Variants in PPIP5K1 observed in about 807,000 individuals in gnomAD.
PPIP5K1 encodes the protein inositol hexakisphosphate and diphosphoinositol-pentakisphosphate kinase 1.
In PPIP5K1, 6 loss-of-function variants were observed where a neutral mutation model predicts 27.7. The observed-to-expected ratio is 0.22, with a 90% CI of 0.12 to 0.43. The LOEUF (loss-of-function observed/expected upper bound fraction) is 0.43, where lower values mean the gene tolerates loss of function less well. Among genes scored for constraint, PPIP5K1 ranks in the 20% least tolerant of loss-of-function variants. The pLI, the probability that PPIP5K1 is intolerant of heterozygous loss-of-function variation, is 1.00. For synonymous variants in PPIP5K1, 145 were observed against 242.6 expected, an observed-to-expected ratio of 0.60 and a Z score of 3.74; for missense variants, 394 against 635.4, an observed-to-expected ratio of 0.62 and a Z score of 4.08.
rs2079561360 is a variant in PPIP5K1, at chr15:43,534,361, A to C, written c.*313T>G. Reference sequence around the variant, plus strand: ...AAGTGAGGAGCCAATGGCTTCTTCGAACCTAAAACTGGCTCCTCCTCAACC... The same window carrying C: ...AAGTGAGGAGCCAATGGCTTCTTCGCACCTAAAACTGGCTCCTCCTCAACC... On this transcript the variant is annotated 3_prime_UTR_variant, in exon 32 of 32. Coordinates refer to ENST00000420765, the MANE Select transcript of PPIP5K1 (RefSeq NM_001394395.1). The C allele has an allele frequency of 4.1e-6, 1 of 242,334 alleles. No homozygotes were observed. Among genetic ancestry groups the C allele is most frequent in the African/African-American group, 2.2e-5 (1 of 44,764 alleles). The allele number at this position is 242,334 out of a possible 1,614,324, so 15.0% of individuals were successfully genotyped here.
intron 30 of PPIP5K1, among the ~76,000 whole-genome samples, chr15:43,542,320 C>A (rs2080847198): frequency 6.9e-6 from 1 of 144,604 alleles, no homozygotes; most frequent in Non-Finnish European, 1.5e-5. Context: ...GGGGCAGAGT[C>A]TTGCTCTGTC....
At position 43,535,002 on chromosome 15, in the gene PPIP5K1, C is replaced by A; in HGVS notation, c.4145G>T (p.Cys1382Phe). The change falls in exon 32 of 32, where the codon TGC becomes TTC. Residue 1382 changes from cysteine (C) to phenylalanine (F), a missense_variant. Cys to Phe is a radical substitution (Grantham distance 205). Transcript: ENST00000420765. Reference protein sequence around the residue: ...QLCQKVSEEVCQLCLENSEEV... With the variant: ...QLCQKVSEEVFQLCLENSEEV... Reference sequence around the variant, plus strand: ...CTCGGAGTTCTCCAGACATAGCTGGCAAACTTCCTCAGAGACTTTCTGGCA... The same window carrying A: ...CTCGGAGTTCTCCAGACATAGCTGGAAAACTTCCTCAGAGACTTTCTGGCA... 3 of 1,613,466 alleles carry A rather than the reference C, an allele frequency of 1.9e-6. No individual in the cohort carries two copies. The highest frequency in any genetic ancestry group is 1.1e-5 in the South Asian group (1 of 91,040).
chr15:43,548,276 AT>A (rs1307541707), intron 30 of PPIP5K1: 3 of 151,170 alleles, frequency 2.0e-5, no homozygotes, highest in Admixed American at 6.6e-5. Context: ...TTTTTTTATT[AT>A]TATTATTTTT....
At chr15:43,549,080 T>TATATACACACAC (rs1489462259) in intron 30 of PPIP5K1, among the ~76,000 whole-genome samples, 93 of 113,130 alleles carry the variant, frequency 8.2e-4, no homozygotes, top group African/African-American at 3.0e-3. Context: ...TATATATATA[T>TATATACACACAC]ACATATATAT....
chr15:43,552,633 C>T (rs904095704), intron 30 of PPIP5K1, among the ~76,000 whole-genome samples: 9 of 148,904 alleles, frequency 6.0e-5, no homozygotes, highest in African/African-American at 2.2e-4. Context: ...AGCTGGAGGT[C>T]GAGGTTGCAC....
intron 30 of PPIP5K1, among the ~76,000 whole-genome samples, chr15:43,554,902 C>A (rs1270699224): frequency 6.6e-6 from 1 of 151,916 alleles, no homozygotes; most frequent in Admixed American, 6.6e-5. Flanking sequence ...GTAGCACGAT[C>A]TTGGCTCACT....
intron 30 of PPIP5K1, among the ~76,000 whole-genome samples, chr15:43,546,706 G>A (rs2081417112): frequency 6.8e-6 from 1 of 146,862 alleles, no homozygotes; most frequent in Non-Finnish European, 1.5e-5. Flanking sequence ...ACCCAGGCTG[G>A]AGTGCAGTGG....
At chr15:43,547,460 ACTT>A (rs1318279814) in intron 30 of PPIP5K1, among the ~76,000 whole-genome samples, 5 of 152,174 alleles carry the variant, frequency 3.3e-5, no homozygotes, top group Admixed American at 6.5e-5. Flanking sequence ...TTACTCTACG[ACTT>A]CTTCTAAGAG....
intron 30 of PPIP5K1, among the ~76,000 whole-genome samples, chr15:43,545,095 G>A (rs935473789): frequency 6.6e-6 from 1 of 151,610 alleles, no homozygotes; most frequent in African/African-American, 2.4e-5. Flanking sequence ...AGAGAATGAC[G>A]TGAACCCAGG....
chr15:43,554,668 C>T (rs971988315), intron 30 of PPIP5K1, among the ~76,000 whole-genome samples: 3 of 150,534 alleles, frequency 2.0e-5, no homozygotes, highest in East Asian at 1.9e-4. Context: ...CACGCAGGCA[C>T]GCACAAGGAA....
chr15:43,536,877 C>T (rs192147713), intron 31 of PPIP5K1, among the ~76,000 whole-genome samples: 5 of 152,040 alleles, frequency 3.3e-5, no homozygotes, highest in East Asian at 3.9e-4. Flanking sequence ...AATATTATAA[C>T]GATATATTAA....
At chr15:43,542,193 G>A (rs2080816075) in intron 30 of PPIP5K1, among the ~76,000 whole-genome samples, 1 of 151,996 alleles carries the variant, frequency 6.6e-6, no homozygotes, top group South Asian at 2.1e-4. Context: ...CACTGAAAAG[G>A]CAGAATGTTT....
At chr15:43,553,581 G>A in intron 30 of PPIP5K1, among the ~76,000 whole-genome samples, 1 of 151,184 alleles carries the variant, frequency 6.6e-6, no homozygotes, top group East Asian at 1.9e-4. Context: ...GGGCTTAAGC[G>A]ACACTCCTGC....
chr15:43,549,409 A>G (rs2081917009), intron 30 of PPIP5K1, among the ~76,000 whole-genome samples: 1 of 152,168 alleles, frequency 6.6e-6, no homozygotes, highest in Non-Finnish European at 1.5e-5. Context: ...CATGCCTGTA[A>G]TCCCAGCACT....
At chr15:43,540,889 G>T (rs1414360008) in intron 30 of PPIP5K1, among the ~76,000 whole-genome samples, 1 of 147,660 alleles carries the variant, frequency 6.8e-6, no homozygotes, top group East Asian at 2.0e-4. Context: ...AAAGAGAAGA[G>T]AAAAGATATA....
chr15:43,535,389 T>C lies in PPIP5K1; in HGVS notation c.3758A>G (p.Asp1253Gly). The C allele has an allele frequency of 2.5e-6, 4 of 1,614,054 alleles. No homozygotes were observed. Among genetic ancestry groups the C allele is most frequent in the Non-Finnish European group, 3.4e-6 (4 of 1,179,988 alleles). The change falls in exon 32 of 32, where the codon GAT becomes GGT. Residue 1253 changes from aspartate (D) to glycine (G), a missense_variant. This residue lies in a region of PPIP5K1 where 379 missense variants were observed against 423.9 expected (regional missense o/e 0.89). Transcript: ENST00000420765. ...VDGNSQFGFS[D>G]QPSLNSHVAE... ...CACGTGTGAATTTAGGGAGGGTTGA[T>C]CACTGAAGCCAAATTGGGAGTTACC...
chr15:43,547,528 T>C (rs1567033994), intron 30 of PPIP5K1, among the ~76,000 whole-genome samples: 1 of 152,244 alleles, frequency 6.6e-6, no homozygotes, highest in Non-Finnish European at 1.5e-5. Flanking sequence ...AGTTAATATT[T>C]TCATATGATA....
intron 31 of PPIP5K1, among the ~76,000 whole-genome samples, chr15:43,538,027 C>T (rs2080141504): frequency 6.6e-6 from 1 of 151,792 alleles, no homozygotes; most frequent in Admixed American, 6.6e-5. Flanking sequence ...ATAAACACTC[C>T]AGGAAACAGG....
chr15:43,555,190 T>C (rs2082778076), intron 30 of PPIP5K1, among the ~76,000 whole-genome samples: 1 of 152,156 alleles, frequency 6.6e-6, no homozygotes. Context: ...CACTATTATA[T>C]TTTCCTAAAT....
Sources: gnomAD v4.1 joint callset for allele counts (sites outside exome capture counted in the v4.1 genomes callset) on GRCh38, gnomAD v4.1.1 for gene constraint, gnomAD v4.1.1 regional missense constraint, MANE v1.5 for transcripts, NCBI Gene and HGNC (gene_info 2026-07-23, HGNC 2026-07-21) for gene names.